Variants in KCNH8 observed in about 807,000 individuals in gnomAD.
KCNH8 encodes the protein voltage-gated delayed rectifier potassium channel KCNH8.
Under a neutral mutation model 103.6 loss-of-function variants are expected in KCNH8, and 70 were observed. The ratio of observed to expected loss-of-function variants is 0.68; its 90% CI spans 0.56 to 0.82. KCNH8 has a LOEUF of 0.82. KCNH8 is among the 40% of genes least tolerant of loss of function. KCNH8 has a pLI of 0.00. For synonymous variants in KCNH8, 498 were observed against 489.4 expected (o/e 1.02, Z -0.23); for missense variants, 1,217 against 1,329.9 (o/e 0.92, Z 1.32).
At chr3:19,473,781 C>G (rs955834484) in intron 11 of KCNH8, among the ~76,000 whole-genome samples, 1 of 152,150 alleles carries the variant, frequency 6.6e-6, no homozygotes, top group African/African-American at 2.4e-5. Flanking sequence ...CTGATGCACA[C>G]ACATACATTT....
intron 1 of KCNH8, among the ~76,000 whole-genome samples, chr3:19,154,599 A>G (rs1398760885): frequency 6.6e-6 from 1 of 152,208 alleles, no homozygotes; most frequent in Non-Finnish European, 1.5e-5. Flanking sequence ...TAAAGGTTCC[A>G]TAGAATGCAG....
intron 7 of KCNH8, among the ~76,000 whole-genome samples, chr3:19,399,450 A>T (rs1313583786): frequency 6.6e-6 from 1 of 152,022 alleles, no homozygotes; most frequent in Non-Finnish European, 1.5e-5. Flanking sequence ...TTAGCATCCT[A>T]ATGTGAGTTC....
intron 3 of KCNH8, among the ~76,000 whole-genome samples, chr3:19,290,155 A>G (rs559819958): frequency 3.3e-5 from 5 of 152,290 alleles, no homozygotes; most frequent in South Asian, 4.1e-4. Context: ...GGCTGAGACA[A>G]TGGGGTTTTC....
Position 19,376,746 on chromosome 3 carries a change from C to T in KCNH8, c.812-13735C>T, listed in dbSNP as rs549971006. 8.2e-4 allele frequency among the ~76,000 whole-genome samples: 125 copies of T among 152,280 alleles called. 1 individual carries two copies. Among genetic ancestry groups the T allele is most frequent in the African/African-American group, 2.9e-3 (121 of 41,548 alleles). ...AGGAAGCTTTGAACATTTTTATTTA[C>T]ATTGGATAATCCAAAAAGTGCAATG... is the stretch of plus-strand genomic sequence containing the variant. On this transcript the variant is annotated intron_variant, in intron 5 of 15. Transcript: ENST00000328405.
In KCNH8 at chr3:19,506,742, C is replaced by T. The variant is rs574814353; in HGVS notation, c.2041-3621C>T. 9.2e-5 allele frequency among the ~76,000 whole-genome samples: 14 copies of T among 152,212 alleles called. No homozygotes were observed. In the South Asian group the frequency reaches 2.7e-3, roughly 29 times the overall value. Reference sequence around the variant, plus strand: ...GTGACAGAGGGCCTTTCTCTCGTCTCTGGGGGCTCCACTCCAGAGAAATGC... The same window carrying T: ...GTGACAGAGGGCCTTTCTCTCGTCTTTGGGGGCTCCACTCCAGAGAAATGC... On this transcript the variant is annotated intron_variant, in intron 11 of 15. Coordinates refer to ENST00000328405, the MANE Select transcript of KCNH8 (RefSeq NM_144633.3).
intron 11 of KCNH8, among the ~76,000 whole-genome samples, chr3:19,485,755 C>T (rs111803901): frequency 0.025 from 3,806 of 152,234 alleles, 179 homozygotes; most frequent in African/African-American, 0.086. Flanking sequence ...TGAATTAGCT[C>T]GAGAGTTTCC....
intron 2 of KCNH8, among the ~76,000 whole-genome samples, chr3:19,266,854 C>CT (rs1317784477): frequency 6.6e-6 from 1 of 151,954 alleles, no homozygotes; most frequent in Non-Finnish European, 1.5e-5. Context: ...CTTCACTTTT[C>CT]TTTCTATTTC....
intron 3 of KCNH8, among the ~76,000 whole-genome samples, chr3:19,316,584 C>T (rs1055581407): frequency 5.9e-5 from 9 of 151,820 alleles, no homozygotes; most frequent in Admixed American, 5.9e-4. Context: ...AGCAATCCTC[C>T]AAAAAGGGCT....
Position 19,241,753 on chromosome 3 carries a change from T to G in KCNH8, c.77-11901T>G, listed in dbSNP as rs572780376. Among the ~76,000 whole-genome samples, 123 of 145,084 alleles carry G rather than the reference T, an allele frequency of 8.5e-4. 1 individual carries two copies. The highest frequency in any genetic ancestry group is 3.3e-3 in the African/African-American group (116 of 35,656). Reference sequence around the variant, plus strand: ...ACACACACACACACACACACACACATGCTTGATAGAAGAGAAACCATTCCT... The same window carrying G: ...ACACACACACACACACACACACACAGGCTTGATAGAAGAGAAACCATTCCT... On this transcript the variant is annotated intron_variant, in intron 1 of 15. Transcript: ENST00000328405.
chr3:19,392,311 T>C (rs2066449082), intron 6 of KCNH8, among the ~76,000 whole-genome samples: 1 of 124,434 alleles, frequency 8.0e-6, no homozygotes, highest in Admixed American at 8.2e-5. Context: ...TAGGGCAACA[T>C]CTGTGTCAAA....
At chr3:19,288,069 C>T (rs1390893788) in intron 3 of KCNH8, among the ~76,000 whole-genome samples, 1 of 151,528 alleles carries the variant, frequency 6.6e-6, no homozygotes, top group Non-Finnish European at 1.5e-5. Context: ...TCTGTATAGT[C>T]AGATTTTCCT....
intron 5 of KCNH8, among the ~76,000 whole-genome samples, chr3:19,364,290 T>G (rs2065982868): frequency 6.6e-6 from 1 of 152,116 alleles, no homozygotes; most frequent in Admixed American, 6.6e-5. Flanking sequence ...GTTATTCTGT[T>G]TAGCCATTCA....
At chr3:19,255,622 A>G (rs894735038) in intron 2 of KCNH8, among the ~76,000 whole-genome samples, 8 of 152,152 alleles carry the variant, frequency 5.3e-5, no homozygotes, top group Non-Finnish European at 2.9e-5. Flanking sequence ...AAACCTGCAC[A>G]TCCTGCACAT....
intron 1 of KCNH8, among the ~76,000 whole-genome samples, chr3:19,219,189 G>C (rs138198470): frequency 3.9e-5 from 6 of 152,086 alleles, no homozygotes; most frequent in Non-Finnish European, 5.9e-5. Flanking sequence ...CACTACCACT[G>C]TCCTCATGGA....
Position 19,148,568 on chromosome 3 carries a change from C to T in KCNH8, c.-152C>T. Reference sequence around the variant, plus strand: ...GCTGGAACTCTCTCCCTTTCTCCCTCCATCCTTCCACTTCCCCTGCTCGGC... The same window carrying T: ...GCTGGAACTCTCTCCCTTTCTCCCTTCATCCTTCCACTTCCCCTGCTCGGC... On this transcript the variant is annotated 5_prime_UTR_variant, in exon 1 of 16. Transcript: ENST00000328405. The T allele has an allele frequency of 1.4e-6, 1 of 721,548 alleles. No individual in the cohort carries two copies. Among genetic ancestry groups the T allele is most frequent in the Non-Finnish European group, 2.5e-6 (1 of 404,132 alleles). The allele number at this position is 721,548 out of a possible 1,614,324, so 44.7% of individuals were successfully genotyped here.
intron 11 of KCNH8, among the ~76,000 whole-genome samples, chr3:19,466,437 T>C (rs1251875559): frequency 6.6e-6 from 1 of 152,160 alleles, no homozygotes; most frequent in Non-Finnish European, 1.5e-5. Flanking sequence ...TACCGTATGG[T>C]ACAAAGAAAT....
chr3:19,260,602 CTG>C (rs1414922352), intron 2 of KCNH8, among the ~76,000 whole-genome samples: 1 of 145,042 alleles, frequency 6.9e-6, no homozygotes, highest in Non-Finnish European at 1.5e-5. Context: ...ACTTCCACCC[CTG>C]TGGCAAGAGC....
intron 2 of KCNH8, among the ~76,000 whole-genome samples, chr3:19,277,869 T>C (rs998848945): frequency 6.6e-6 from 1 of 152,140 alleles, no homozygotes; most frequent in African/African-American, 2.4e-5. Flanking sequence ...CCAACCCACA[T>C]GGTAATTACT....
At chr3:19,295,993 G>GA (rs541492188) in intron 3 of KCNH8, among the ~76,000 whole-genome samples, 5 of 151,930 alleles carry the variant, frequency 3.3e-5, no homozygotes, top group African/African-American at 7.3e-5. Flanking sequence ...CAGACAGTAG[G>GA]AAAAAAAGTG....
Sources: gnomAD v4.1 joint callset for allele counts (sites outside exome capture counted in the v4.1 genomes callset) on GRCh38, gnomAD v4.1.1 for gene constraint, MANE v1.5 for transcripts, NCBI Gene and HGNC (gene_info 2026-07-23, HGNC 2026-07-21) for gene names.